The following PDK1 variants were observed in gnomAD, a reference collection of about 807,000 sequenced individuals.
The protein encoded by PDK1 is [Pyruvate dehydrogenase (acetyl-transferring)] kinase isozyme 1, mitochondrial.
Under a neutral mutation model 54.2 loss-of-function variants are expected in PDK1, and 39 were observed. The observed-to-expected ratio is 0.72, with a 90% CI of 0.56 to 0.94. The LOEUF (loss-of-function observed/expected upper bound fraction) is 0.94, where lower values mean the gene tolerates loss of function less well. Among genes scored for constraint, PDK1 ranks in the 40% least tolerant of loss-of-function variants. The probability of loss-of-function intolerance (pLI) is 0.00; values close to 1 mark genes in which losing one functional copy is unlikely to be tolerated. For synonymous variants in PDK1, 221 were observed against 207.1 expected (o/e 1.07, Z -0.58); for missense variants, 552 against 566.0 (o/e 0.98, Z 0.25).
the PDK1 span, among the ~76,000 whole-genome samples, chr2:172,658,865 T>A: frequency 6.5e-3 from 997 of 152,356 alleles, 10 homozygotes; most frequent in African/African-American, 0.022. Flanking sequence ...TTCTGTTGTT[T>A]AAGATGTTTA....
chr2:172,664,265 C>T, the PDK1 span, among the ~76,000 whole-genome samples: 3 of 126,662 alleles, frequency 2.4e-5, no homozygotes, highest in South Asian at 5.1e-4. Flanking sequence ...GAGCCGAGAT[C>T]GTGCCATTGC....
At chr2:172,639,419 G>A in the PDK1 span, among the ~76,000 whole-genome samples, 2 of 152,160 alleles carry the variant, frequency 1.3e-5, no homozygotes, top group Non-Finnish European at 2.9e-5. Flanking sequence ...AGGTTCCCAT[G>A]TGTCTTAGCC....
At chr2:172,674,812 GC>G in the PDK1 span, 1 of 152,284 alleles carries the variant, frequency 6.6e-6, no homozygotes, top group Non-Finnish European at 1.5e-5. Context: ...GCTGCAGGCT[GC>G]CGGGCCGGGC....
At chr2:172,657,372 A>G in the PDK1 span, among the ~76,000 whole-genome samples, 54 of 121,202 alleles carry the variant, frequency 4.5e-4, no homozygotes, top group Non-Finnish European at 1.9e-4. Context: ...TCTTGTTGTG[A>G]GGATGAGAAT....
intron 7 of PDK1, among the ~76,000 whole-genome samples, chr2:172,569,290 T>A (rs751128518): frequency 6.6e-6 from 1 of 152,208 alleles, no homozygotes; most frequent in African/African-American, 2.4e-5. Flanking sequence ...GAATTCTTTT[T>A]TTGGTCTGGC....
rs558071285 is a variant in PDK1 at position 172,603,078 on chromosome 2, G to A, written c.*7109G>A. On this transcript the variant is annotated 3_prime_UTR_variant, in exon 11 of 11. Transcript: ENST00000282077. ...TGCAGACTGGTTCAGCAGATCTGGA[G>A]TGGGGCCTGAGATTCTGCATTTCTA... 4.7e-4 allele frequency: 72 copies of A among 152,340 alleles called. No individual in the cohort carries two copies. Among genetic ancestry groups the A allele is most frequent in the African/African-American group, 1.7e-3 (69 of 41,574 alleles). 9.4% of individuals were successfully genotyped at this position (152,340 alleles called of 1,614,324 possible).
At chr2:172,658,714 G>A in the PDK1 span, among the ~76,000 whole-genome samples, 1 of 152,172 alleles carries the variant, frequency 6.6e-6, no homozygotes, top group Non-Finnish European at 1.5e-5. Flanking sequence ...GCCGCTCTGA[G>A]AGTATCTGTC....
At chr2:172,671,129 C>T in the PDK1 span, among the ~76,000 whole-genome samples, 1 of 149,672 alleles carries the variant, frequency 6.7e-6, no homozygotes. Flanking sequence ...AATAGCTTGT[C>T]TTTGCAACTG....
chr2:172,623,081 T>TG, the PDK1 span, among the ~76,000 whole-genome samples: 3 of 151,034 alleles, frequency 2.0e-5, no homozygotes, highest in African/African-American at 7.3e-5. Flanking sequence ...ACCCAGGAGG[T>TG]GGAGGTTGCA....
chr2:172,705,360 T>C, the PDK1 span, among the ~76,000 whole-genome samples: 1 of 152,268 alleles, frequency 6.6e-6, no homozygotes, highest in Non-Finnish European at 1.5e-5. Flanking sequence ...TTTCTGAGTG[T>C]CCAGCCTTTT....
the PDK1 span, among the ~76,000 whole-genome samples, chr2:172,711,084 G>A: frequency 1.3e-5 from 2 of 152,178 alleles, no homozygotes. Context: ...TCCTCTTTAA[G>A]CCTAGATTGG....
intron 8 of PDK1, among the ~76,000 whole-genome samples, chr2:172,571,182 T>C (rs895447429): frequency 9.8e-5 from 15 of 152,350 alleles, no homozygotes; most frequent in Non-Finnish European, 1.9e-4. Flanking sequence ...CAGTGCTTTC[T>C]AATCTACTGG....
At chr2:172,688,731 A>G in the PDK1 span, among the ~76,000 whole-genome samples, 20 of 152,316 alleles carry the variant, frequency 1.3e-4, no homozygotes, top group Admixed American at 1.2e-3. Flanking sequence ...CACTCCCCCT[A>G]GCACCTGTAC....
chr2:172,613,840 C>A, the PDK1 span, among the ~76,000 whole-genome samples: 1 of 152,264 alleles, frequency 6.6e-6, no homozygotes, highest in Admixed American at 6.5e-5. Flanking sequence ...CCACCCAAAC[C>A]GCAGCTGTAG....
chr2:172,644,057 A>T, the PDK1 span, among the ~76,000 whole-genome samples: 1 of 152,194 alleles, frequency 6.6e-6, no homozygotes, highest in South Asian at 2.1e-4. Context: ...GAGAATGGTT[A>T]ACATCAAAGG....
At chr2:172,584,356 A>G (rs1256008805) in intron 8 of PDK1, among the ~76,000 whole-genome samples, 2 of 151,600 alleles carry the variant, frequency 1.3e-5, no homozygotes, top group South Asian at 2.1e-4. Flanking sequence ...AGTATTATAA[A>G]TGCTTCTTTG....
the PDK1 span, among the ~76,000 whole-genome samples, chr2:172,626,776 A>G: frequency 6.6e-6 from 1 of 152,152 alleles, no homozygotes; most frequent in African/African-American, 2.4e-5. Context: ...AAAAAAAGAA[A>G]AGAAATTAAT....
At chr2:172,720,924 C>G in the PDK1 span, among the ~76,000 whole-genome samples, 1 of 152,122 alleles carries the variant, frequency 6.6e-6, no homozygotes, top group Non-Finnish European at 1.5e-5. Context: ...TCCCTCTGGT[C>G]CCCCACCCTC....
At chr2:172,707,097 T>C in the PDK1 span, among the ~76,000 whole-genome samples, 1 of 152,270 alleles carries the variant, frequency 6.6e-6, no homozygotes, top group South Asian at 2.1e-4. Flanking sequence ...CTGGTAGGCC[T>C]CCTCTGATAC....
Sources: gnomAD v4.1 joint callset for allele counts (sites outside exome capture counted in the v4.1 genomes callset) on GRCh38, gnomAD v4.1.1 for gene constraint, MANE v1.5 for transcripts, NCBI Gene and HGNC (gene_info 2026-07-23, HGNC 2026-07-21) for gene names.